DMRT3: variants seen among roughly 807,000 people sequenced by gnomAD.
DMRT3 encodes the protein doublesex and mab-3 related transcription factor 3, also known as doublesex- and mab-3-related transcription factor 3.
A neutral mutation model predicts 34.9 loss-of-function variants in DMRT3; 29 were observed. That is an observed-to-expected ratio of 0.83 (90% CI 0.62 to 1.13). DMRT3 has a LOEUF of 1.13. Among genes scored for constraint, DMRT3 ranks in the 50% most tolerant of loss-of-function variants. The pLI, the probability that DMRT3 is intolerant of heterozygous loss-of-function variation, is 0.00. For synonymous variants in DMRT3, 350 were observed against 286.0 expected (o/e 1.22, Z -2.26); for missense variants, 772 against 629.1 (o/e 1.23, Z -2.43).
intron 1 of DMRT3, among the ~76,000 whole-genome samples, chr9:989,320 C>T (rs150789693): frequency 0.011 from 1,686 of 152,250 alleles, 24 homozygotes; most frequent in African/African-American, 0.038. Context: ...TCCTTTTTTC[C>T]TCTCCAGCAA....
rs936413560 is a variant in DMRT3 at position 991,706 on chromosome 9, T to C, written c.*701T>C. On this transcript the variant is annotated 3_prime_UTR_variant, in exon 2 of 2. Transcript: ENST00000190165. ...GGTTAATGTAGCATGTTAAGGACTCTAGAAAAAAATAAACTAAGGAGACGA... is the reference window on the plus strand; with the variant it reads ...GGTTAATGTAGCATGTTAAGGACTCCAGAAAAAAATAAACTAAGGAGACGA... The C allele has an allele frequency of 6.6e-6, 1 of 152,618 alleles. No homozygotes were observed. Among genetic ancestry groups the C allele is most frequent in the African/African-American group, 2.4e-5 (1 of 41,460 alleles). 9.5% of individuals were successfully genotyped at this position (152,618 alleles called of 1,614,324 possible).
rs922941020 is a variant in DMRT3 at position 991,269 on chromosome 9, G to A, written c.*264G>A. On this transcript the variant is annotated 3_prime_UTR_variant, in exon 2 of 2. Transcript: ENST00000190165. Reference sequence around the variant, plus strand: ...TAATGTTAAGAATAGTCTTGGGAAGGCTGGGTCCGTGGAAGATTTATTTGG... The same window carrying A: ...TAATGTTAAGAATAGTCTTGGGAAGACTGGGTCCGTGGAAGATTTATTTGG... 5.9e-6 allele frequency: 2 copies of A among 336,166 alleles called. No individual in the cohort carries two copies. The highest frequency in any genetic ancestry group is 2.1e-5 in the African/African-American group (1 of 47,196). 20.8% of individuals were successfully genotyped at this position (336,166 alleles called of 1,614,324 possible).
At position 976,899 on chromosome 9, in the gene DMRT3, G is replaced by C; in HGVS notation, c.-103G>C. The C allele has an allele frequency of 7.8e-7, 1 of 1,273,946 alleles. No individual in the cohort carries two copies. The highest frequency in any genetic ancestry group is 1.0e-6 in the Non-Finnish European group (1 of 987,954). 78.9% of individuals were successfully genotyped at this position (1,273,946 alleles called of 1,614,324 possible). On this transcript the variant is annotated 5_prime_UTR_variant, in exon 1 of 2. Coordinates refer to ENST00000190165, the MANE Select transcript of DMRT3 (RefSeq NM_021240.4). This position sits in a 1 kb window ranked among gnomAD's most constrained non-coding sequence, Gnocchi z 4.5. ...CCGGGGCTGCGGGACCAAGGGCCGC[G>C]TCGCCCGGAGGCCGCCCCTGAGCGG...
chr9:987,922 A>G (rs1277198282), intron 1 of DMRT3, among the ~76,000 whole-genome samples: 2 of 152,204 alleles, frequency 1.3e-5, no homozygotes, highest in East Asian at 3.8e-4. Flanking sequence ...CAAATGTTTA[A>G]TAATAGAGTA....
chr9:983,397 G>A (rs1043127901), intron 1 of DMRT3, among the ~76,000 whole-genome samples: 2 of 152,100 alleles, frequency 1.3e-5, no homozygotes, highest in Non-Finnish European at 2.9e-5. Flanking sequence ...TTCCTCCTGT[G>A]AAGACACCAT....
At chr9:988,576 C>T (rs1461327672) in intron 1 of DMRT3, among the ~76,000 whole-genome samples, 1 of 151,990 alleles carries the variant, frequency 6.6e-6, no homozygotes, top group Admixed American at 6.6e-5. Context: ...TTAAGATACA[C>T]CTGTATTAGA....
intron 1 of DMRT3, among the ~76,000 whole-genome samples, chr9:987,259 T>G (rs1448557717): frequency 1.3e-5 from 2 of 152,228 alleles, no homozygotes; most frequent in African/African-American, 4.8e-5. Flanking sequence ...TCTCTCTGAA[T>G]TTCCCTATTC....
rs753150226 is a variant in DMRT3, at chr9:977,265, C to T, written c.264C>T (p.Pro88=). The T allele has an allele frequency of 1.9e-6, 3 of 1,542,762 alleles. No homozygotes were observed. The highest frequency in any genetic ancestry group is 1.4e-5 in the African/African-American group (1 of 70,702). ...QANESLESLI[P]DSLRALPGPP... Reference sequence around the variant, plus strand: ...ACGAGAGCTTGGAGAGCCTCATCCCCGACTCGCTGCGCGCTCTGCCAGGGC... The same window carrying T: ...ACGAGAGCTTGGAGAGCCTCATCCCTGACTCGCTGCGCGCTCTGCCAGGGC... Residue 88 remains proline, a synonymous_variant, in exon 1 of 2, where the codon CCC becomes CCT. Transcript: ENST00000190165.
intron 1 of DMRT3, among the ~76,000 whole-genome samples, chr9:984,925 A>T: frequency 6.6e-6 from 1 of 152,156 alleles, no homozygotes. Context: ...GATTGAAAGC[A>T]CTTTTGTGAG....
At chr9:979,883 C>G (rs573021384) in intron 1 of DMRT3, among the ~76,000 whole-genome samples, 34 of 152,310 alleles carry the variant, frequency 2.2e-4, no homozygotes, top group African/African-American at 7.9e-4. Flanking sequence ...TGAATAAGTG[C>G]AGAGAGTAAG....
chr9:982,486 T>C (rs1820233992), intron 1 of DMRT3, among the ~76,000 whole-genome samples: 1 of 152,222 alleles, frequency 6.6e-6, no homozygotes, highest in African/African-American at 2.4e-5. Context: ...TTTAAAAGAT[T>C]ACAGTAATCA....
intron 1 of DMRT3, among the ~76,000 whole-genome samples, chr9:984,439 A>T (rs1337485807): frequency 1.3e-5 from 2 of 150,820 alleles, no homozygotes; most frequent in Non-Finnish European, 2.9e-5. Context: ...TATGACATCT[A>T]AGTCAGAAAG....
chr9:988,372 T>C (rs1820310709), intron 1 of DMRT3, among the ~76,000 whole-genome samples: 1 of 152,254 alleles, frequency 6.6e-6, no homozygotes. Flanking sequence ...TATTTACTTA[T>C]GTTTGCCACA....
Position 985,836 on chromosome 9 carries a change from C to A in DMRT3, c.455-4205C>A, listed in dbSNP as rs187017327. Among the ~76,000 whole-genome samples the A allele has an allele frequency of 4.6e-5, 7 of 152,286 alleles. No homozygotes were observed. In the South Asian group the frequency reaches 1.5e-3, roughly 32 times the overall value. On this transcript the variant is annotated intron_variant, in intron 1 of 1. Coordinates refer to ENST00000190165, the MANE Select transcript of DMRT3 (RefSeq NM_021240.4). ...GCACTACTTAGCAGGACCTTGTGTGCGGCTCAGGTGCATAAGCCTCACAGG... is the reference window on the plus strand; with the variant it reads ...GCACTACTTAGCAGGACCTTGTGTGAGGCTCAGGTGCATAAGCCTCACAGG...
intron 1 of DMRT3, among the ~76,000 whole-genome samples, chr9:981,766 C>G (rs1047539960): frequency 6.6e-6 from 1 of 152,194 alleles, no homozygotes; most frequent in Admixed American, 6.5e-5. Context: ...AATGGACTGC[C>G]GTCTCCTTGC....
In DMRT3 at chr9:977,445, C is replaced by A; in HGVS notation, c.444C>A (p.Leu148=). 1.6e-6 allele frequency: 2 copies of A among 1,280,338 alleles called. No homozygotes were observed. The highest frequency in any genetic ancestry group is 3.2e-5 in the Admixed American group (1 of 30,978). The allele number at this position is 1,280,338 out of a possible 1,614,324, so 79.3% of individuals were successfully genotyped here. ...EPQPGALQAQ[L]AKPDLTEERL... Reference sequence around the variant, plus strand: ...AGCCCGGGGCTCTGCAGGCGCAGCTCGCCAAGCCAGGTAAGAGCGTCTGAG... The same window carrying A: ...AGCCCGGGGCTCTGCAGGCGCAGCTAGCCAAGCCAGGTAAGAGCGTCTGAG... Residue 148 remains leucine, a synonymous_variant, in exon 1 of 2, where the codon CTC becomes CTA. Coordinates refer to ENST00000190165, the MANE Select transcript of DMRT3 (RefSeq NM_021240.4).
At chr9:987,831 A>G (rs983575893) in intron 1 of DMRT3, among the ~76,000 whole-genome samples, 5 of 152,164 alleles carry the variant, frequency 3.3e-5, no homozygotes, top group African/African-American at 1.2e-4. Context: ...TTACATGGGG[A>G]GAGTATTTGA....
At position 977,156 on chromosome 9, in the gene DMRT3, A is replaced by G. The variant is rs1314959537; in HGVS notation, c.155A>G (p.Asp52Gly). Residue 52 changes from aspartate to glycine, a missense_variant, in exon 1 of 2, where the codon GAC becomes GGC. Coordinates refer to ENST00000190165, the MANE Select transcript of DMRT3 (RefSeq NM_021240.4). Reference protein sequence around the residue: ...KGHKRYCRFKDCTCEKCILII... With the variant: ...KGHKRYCRFKGCTCEKCILII... ...CACAAGCGTTACTGCCGCTTCAAGG[A>G]CTGCACCTGCGAGAAGTGCATCCTC... The G allele has an allele frequency of 6.2e-7, 1 of 1,611,574 alleles. No homozygotes were observed. Among genetic ancestry groups the G allele is most frequent in the East Asian group, 2.2e-5 (1 of 44,824 alleles).
At chr9:981,680 G>C (rs989519887) in intron 1 of DMRT3, among the ~76,000 whole-genome samples, 1 of 152,186 alleles carries the variant, frequency 6.6e-6, no homozygotes, top group African/African-American at 2.4e-5. Flanking sequence ...GCGGCAGCTG[G>C]CCCAGGACTG....
Sources: allele counts gnomAD v4.1 joint callset (sites outside exome capture counted in the v4.1 genomes callset), GRCh38; gene constraint gnomAD v4.1.1; non-coding constraint Gnocchi (gnomAD v3.1); transcripts MANE v1.5; gene names NCBI Gene and HGNC (gene_info 2026-07-23, HGNC 2026-07-21).